PDE10A: variants seen among roughly 807,000 people sequenced by gnomAD.
PDE10A encodes the protein phosphodiesterase 10A.
In PDE10A, 39 loss-of-function variants were observed where a neutral mutation model predicts 97.7. The ratio of observed to expected loss-of-function variants is 0.40; its 90% confidence interval spans 0.31 to 0.52. The LOEUF (loss-of-function observed/expected upper bound fraction) is 0.52, where lower values mean the gene tolerates loss of function less well. PDE10A is among the 20% of genes least tolerant of loss of function. PDE10A has a pLI of 0.56. For missense variants in PDE10A, 731 were observed against 1,047.8 expected, an observed-to-expected ratio of 0.70 and a Z score of 4.17; for synonymous variants, 371 against 376.8, an observed-to-expected ratio of 0.98 and a Z score of 0.18.
chr6:165,372,875 A>G (rs1784360297), intron 18 of PDE10A, among the ~76,000 whole-genome samples: 1 of 151,986 alleles, frequency 6.6e-6, no homozygotes, highest in African/African-American at 2.4e-5. Context: ...TGGTACCAAA[A>G]CAGAGAAACA....
chr6:165,678,009 G>T (rs1384794283), intron 1 of PDE10A, among the ~76,000 whole-genome samples: 1 of 151,140 alleles, frequency 6.6e-6, no homozygotes, highest in South Asian at 2.1e-4. Flanking sequence ...GTTTATGTGT[G>T]TTTGTGTATG....
At chr6:165,415,641 G>T (rs1039609183) in intron 12 of PDE10A, among the ~76,000 whole-genome samples, 2 of 152,086 alleles carry the variant, frequency 1.3e-5, no homozygotes, top group African/African-American at 2.4e-5. Context: ...GACCTTTCAT[G>T]AATATTATCT....
intron 1 of PDE10A, among the ~76,000 whole-genome samples, chr6:165,942,825 G>A (rs1783577542): frequency 6.6e-6 from 1 of 152,158 alleles, no homozygotes; most frequent in Non-Finnish European, 1.5e-5. Context: ...ATTCCAGGGT[G>A]TAACTACAGC....
intron 1 of PDE10A, among the ~76,000 whole-genome samples, chr6:165,974,542 T>C (rs1017764497): frequency 1.3e-5 from 2 of 152,244 alleles, no homozygotes; most frequent in African/African-American, 2.4e-5. Flanking sequence ...ATGGGAGTTC[T>C]GGAAGAGAAG....
chr6:165,873,270 A>G (rs1781250820), intron 1 of PDE10A, among the ~76,000 whole-genome samples: 1 of 152,150 alleles, frequency 6.6e-6, no homozygotes, highest in African/African-American at 2.4e-5. Flanking sequence ...AATTCCTTAA[A>G]TGGTGAGTTC....
chr6:165,459,819 C>T (rs1013299831), intron 3 of PDE10A, among the ~76,000 whole-genome samples: 4 of 152,044 alleles, frequency 2.6e-5, no homozygotes, highest in Admixed American at 6.6e-5. Context: ...GGAAATACTA[C>T]GTTTCCTGGA....
At chr6:165,339,790 G>A (rs545047606) in intron 19 of PDE10A, among the ~76,000 whole-genome samples, 27 of 152,126 alleles carry the variant, frequency 1.8e-4, no homozygotes, top group African/African-American at 5.8e-4. Context: ...ATCACCAGTC[G>A]ACTAAAATGT....
At chr6:165,343,524 C>G (rs201148386) in intron 18 of PDE10A, 22 bp from the exon 19 acceptor site, 417 of 1,524,262 alleles carry the variant, frequency 2.7e-4, no homozygotes, top group Non-Finnish European at 5.6e-5. Flanking sequence ...CAATATAAGA[C>G]TGGTCAGCAT....
chr6:165,455,597 A>G (rs930570052), intron 3 of PDE10A, among the ~76,000 whole-genome samples: 2 of 152,238 alleles, frequency 1.3e-5, no homozygotes, highest in Admixed American at 6.5e-5. Context: ...TTAGGCTTTT[A>G]CCTGTGGTAG....
chr6:165,791,615 C>T (rs1027675140), intron 1 of PDE10A, among the ~76,000 whole-genome samples: 2 of 152,158 alleles, frequency 1.3e-5, no homozygotes, highest in Non-Finnish European at 2.9e-5. Context: ...ACAAGCTGCC[C>T]CCTGGCTTAG....
In PDE10A at chr6:165,330,472, T is replaced by C. The variant is rs985734709; in HGVS notation, c.*2553A>G. On this transcript the variant is annotated 3_prime_UTR_variant, in exon 22 of 22. Coordinates refer to ENST00000539869, the MANE Select transcript of PDE10A (RefSeq NM_001385079.1). ...GCAACCCGGGTCCTTTTATTTTAGG[T>C]AAATCTGTGATTACTAAGTAAATCT... 1 of 152,196 alleles carries C rather than the reference T, an allele frequency of 6.6e-6. No individual in the cohort carries two copies. Among genetic ancestry groups the C allele is most frequent in the Non-Finnish European group, 1.5e-5 (1 of 68,028 alleles). 9.4% of individuals were successfully genotyped at this position (152,196 alleles called of 1,614,324 possible).
At chr6:165,449,224 C>T (rs906867864) in intron 4 of PDE10A, among the ~76,000 whole-genome samples, 29 of 152,122 alleles carry the variant, frequency 1.9e-4, no homozygotes, top group African/African-American at 6.5e-4. Flanking sequence ...TAGCAGTCAA[C>T]GTACCACATA....
At chr6:165,876,011 G>A (rs1214054055) in intron 1 of PDE10A, among the ~76,000 whole-genome samples, 1 of 152,198 alleles carries the variant, frequency 6.6e-6, no homozygotes, top group Non-Finnish European at 1.5e-5. Flanking sequence ...CATGAGGCAG[G>A]TCTATGCATC....
chr6:165,824,683 C>T (rs1015352275), intron 1 of PDE10A, among the ~76,000 whole-genome samples: 2 of 152,102 alleles, frequency 1.3e-5, no homozygotes, highest in African/African-American at 4.8e-5. Context: ...GTAGTTGGTG[C>T]CATCTTGGTG....
chr6:165,939,124 C>G (rs1783431650), intron 1 of PDE10A, among the ~76,000 whole-genome samples: 1 of 152,166 alleles, frequency 6.6e-6, no homozygotes, highest in East Asian at 1.9e-4. Flanking sequence ...TTGATTAAGC[C>G]AAGATACAGG....
chr6:165,957,592 C>G (rs1487905212), intron 1 of PDE10A, among the ~76,000 whole-genome samples: 1 of 152,212 alleles, frequency 6.6e-6, no homozygotes, highest in Non-Finnish European at 1.5e-5. Flanking sequence ...AAGTTCTTCA[C>G]AAGAATGACT....
At chr6:165,735,355 T>C (rs1454574506) in intron 1 of PDE10A, among the ~76,000 whole-genome samples, 2 of 140,976 alleles carry the variant, frequency 1.4e-5, no homozygotes, top group Non-Finnish European at 3.3e-5. Flanking sequence ...GATGGGTAGG[T>C]AGATAGGTGG....
At chr6:165,569,918 T>C (rs533788813) in intron 1 of PDE10A, among the ~76,000 whole-genome samples, 48 of 152,292 alleles carry the variant, frequency 3.2e-4, no homozygotes, top group Non-Finnish European at 5.6e-4. Flanking sequence ...GGAAAAACTT[T>C]CCAATGTAAA....
At chr6:165,795,719 G>C (rs1229563606) in intron 1 of PDE10A, among the ~76,000 whole-genome samples, 4 of 151,994 alleles carry the variant, frequency 2.6e-5, no homozygotes, top group African/African-American at 9.7e-5. Context: ...GCTACTGCAA[G>C]ATCCAGCCTG....
Sources: allele counts gnomAD v4.1 joint callset (sites outside exome capture counted in the v4.1 genomes callset), GRCh38; gene constraint gnomAD v4.1.1; transcripts MANE v1.5; gene names NCBI Gene and HGNC (gene_info 2026-07-23, HGNC 2026-07-21).